The following SPATA21 variants were observed in gnomAD, a reference collection of about 807,000 sequenced individuals.
The protein encoded by SPATA21 is spermatogenesis associated 21, also known as spermatogenesis-associated protein 21.
Under a neutral mutation model 54.8 loss-of-function variants are expected in SPATA21, and 47 were observed. The ratio of observed to expected loss-of-function variants is 0.86; its 90% confidence interval spans 0.68 to 1.09. SPATA21 has a LOEUF of 1.09. Ranked by LOEUF, SPATA21 falls within the 50% of genes least tolerant of loss-of-function variation. SPATA21 has a pLI of 0.00. For synonymous variants in SPATA21, 245 were observed against 235.3 expected (o/e 1.04, Z -0.38); for missense variants, 599 against 596.4 (o/e 1.00, Z -0.05).
intron 10 of SPATA21, among the ~76,000 whole-genome samples, chr1:16,403,483 C>CTTTTTCTTTT (rs2085517813): frequency 8.5e-5 from 10 of 117,114 alleles, no homozygotes; most frequent in African/African-American, 2.9e-4. Flanking sequence ...TAGTTTTTTT[C>CTTTTTCTTTT]TTTTTTTTCT....
At chr1:16,415,963 C>T (rs2085994655) in intron 5 of SPATA21, among the ~76,000 whole-genome samples, 1 of 152,182 alleles carries the variant, frequency 6.6e-6, no homozygotes, top group Non-Finnish European at 1.5e-5. Flanking sequence ...TTCCCTCCAG[C>T]TTCTCCAACC....
At chr1:16,401,279 T>C (rs139210365) in intron 10 of SPATA21, among the ~76,000 whole-genome samples, 2 of 152,304 alleles carry the variant, frequency 1.3e-5, no homozygotes, top group Non-Finnish European at 1.5e-5. Flanking sequence ...GCTTTGTACA[T>C]GTTACCTATT....
At position 16,421,744 on chromosome 1, in the gene SPATA21, G is replaced by A. The variant is rs868674898; in HGVS notation, c.95+167C>T. Among the ~76,000 whole-genome samples, 1 of 152,056 alleles carries A rather than the reference G, an allele frequency of 6.6e-6. No individual in the cohort carries two copies. Among genetic ancestry groups the A allele is most frequent in the Non-Finnish European group, 1.5e-5 (1 of 68,000 alleles). ...CAGGCTCACGGAACCAAGAATTCTG[G>A]TATTCCAGCCATTACACAGATGGGG... is the stretch of plus-strand genomic sequence containing the variant. On this transcript the variant is annotated intron_variant, in intron 4 of 12. Transcript: ENST00000335496. This position sits in a 1 kb window ranked among gnomAD's most constrained non-coding sequence, Gnocchi z 5.2.
At chr1:16,432,595 C>T (rs1557676111) in intron 2 of SPATA21, among the ~76,000 whole-genome samples, 195 bp downstream of exon 2, 1 of 152,122 alleles carries the variant, frequency 6.6e-6, no homozygotes, top group Non-Finnish European at 1.5e-5. Context: ...TCCGATAGCC[C>T]CCAACCCATC....
At chr1:16,419,719 C>T (rs901082167) in intron 5 of SPATA21, among the ~76,000 whole-genome samples, 1 of 152,106 alleles carries the variant, frequency 6.6e-6, no homozygotes, top group African/African-American at 2.4e-5. Context: ...GCGGGCGGAT[C>T]ACCGGAGGTA....
chr1:16,413,479 G>T (rs1243147782), intron 5 of SPATA21, among the ~76,000 whole-genome samples: 3 of 152,200 alleles, frequency 2.0e-5, no homozygotes, highest in African/African-American at 7.2e-5. Context: ...CTATGAACAT[G>T]GGTGTACAAA....
At chr1:16,417,702 T>C (rs556676373) in intron 5 of SPATA21, among the ~76,000 whole-genome samples, 18 of 152,256 alleles carry the variant, frequency 1.2e-4, no homozygotes, top group Middle Eastern at 3.4e-3. Flanking sequence ...CCCAAAGTGC[T>C]GGGATTACAG....
intron 2 of SPATA21, among the ~76,000 whole-genome samples, 162 bp from the exon 3 acceptor site, chr1:16,431,584 T>C (rs1485309185): frequency 1.3e-5 from 2 of 152,160 alleles, no homozygotes; most frequent in African/African-American, 4.8e-5. Flanking sequence ...GCTAGCCACA[T>C]GCCATTTACC....
Position 16,431,380 on chromosome 1 carries a change from C to G in SPATA21, c.-9G>C. On this transcript the variant is annotated 5_prime_UTR_variant, in exon 3 of 13. Transcript: ENST00000335496. ...GTGTTTCTATTGTCCATGATGCCAGCGCCAACACGGGTGCCAAGTGAGGGG... is the reference window on the plus strand; with the variant it reads ...GTGTTTCTATTGTCCATGATGCCAGGGCCAACACGGGTGCCAAGTGAGGGG... 1 of 1,613,962 alleles carries G rather than the reference C, an allele frequency of 6.2e-7. No homozygotes were observed. Among genetic ancestry groups the G allele is most frequent in the South Asian group, 1.1e-5 (1 of 91,048 alleles).
chr1:16,414,965 C>G (rs1022338157), intron 5 of SPATA21, among the ~76,000 whole-genome samples: 1 of 150,662 alleles, frequency 6.6e-6, no homozygotes, highest in African/African-American at 2.4e-5. Flanking sequence ...TTTCCCATGT[C>G]GAAGACTCCT....
intron 3 of SPATA21, among the ~76,000 whole-genome samples, chr1:16,429,113 A>G (rs1181505952): frequency 6.6e-6 from 1 of 151,938 alleles, no homozygotes; most frequent in Non-Finnish European, 1.5e-5. Flanking sequence ...AACAGAGGCT[A>G]CAGGGAACAT....
chr1:16,421,674 T>G lies in SPATA21; in HGVS notation c.96-117A>C, dbSNP rs1337808793. 4.1e-6 allele frequency: 5 copies of G among 1,215,008 alleles called. No homozygotes were observed. The South Asian group carries it at 5.6e-5, about 14-fold the overall frequency. 75.3% of individuals were successfully genotyped at this position (1,215,008 alleles called of 1,614,324 possible). On this transcript the variant is annotated intron_variant, in intron 4 of 12. Coordinates refer to ENST00000335496, the MANE Select transcript of SPATA21 (RefSeq NM_198546.1). This position sits in a 1 kb window ranked among gnomAD's most constrained non-coding sequence, Gnocchi z 5.2. ...CCACCCCAGCCTCATCCCCTTGGCC[T>G]TCTCATCTCAGGGGGCTCCTTATGT...
At chr1:16,418,634 C>T (rs550726881) in intron 5 of SPATA21, among the ~76,000 whole-genome samples, 6 of 151,426 alleles carry the variant, frequency 4.0e-5, no homozygotes, top group African/African-American at 1.5e-4. Flanking sequence ...GTGCCGCTAT[C>T]TTGGCTCACT....
At chr1:16,402,704 C>T (rs969063764) in intron 10 of SPATA21, among the ~76,000 whole-genome samples, 6 of 152,142 alleles carry the variant, frequency 3.9e-5, no homozygotes, top group African/African-American at 1.4e-4. Context: ...TACAGGCACA[C>T]ACCATCTTGC....
rs189927879 is a variant in SPATA21, at chr1:16,432,030, G to A, written c.-51-608C>T. On this transcript the variant is annotated intron_variant, in intron 2 of 12. Transcript: ENST00000335496. ...GTCTCAGGGCCCCAAAGTCTCCAGCGGCAATCTGCAGTTCACCAAAGCACC... is the reference window on the plus strand; with the variant it reads ...GTCTCAGGGCCCCAAAGTCTCCAGCAGCAATCTGCAGTTCACCAAAGCACC... Among the ~76,000 whole-genome samples, 337 of 152,078 alleles carry A rather than the reference G, an allele frequency of 2.2e-3. 3 individuals carry two copies. The highest frequency in any genetic ancestry group is 7.3e-3 in the African/African-American group (303 of 41,484).
chr1:16,407,090 A>G (rs544243267), intron 7 of SPATA21, among the ~76,000 whole-genome samples: 2 of 152,218 alleles, frequency 1.3e-5, no homozygotes, highest in South Asian at 4.1e-4. Context: ...TATTCTATGA[A>G]CTCAGTGCTG....
chr1:16,426,254 C>T (rs867852841), intron 3 of SPATA21, among the ~76,000 whole-genome samples: 84 of 151,614 alleles, frequency 5.5e-4, no homozygotes, highest in African/African-American at 1.9e-3. Context: ...CGTATGCATA[C>T]TTATTTATTT....
intron 3 of SPATA21, among the ~76,000 whole-genome samples, chr1:16,423,314 G>A (rs1215225620): frequency 6.7e-6 from 1 of 148,546 alleles, no homozygotes; most frequent in Admixed American, 6.8e-5. Context: ...TCAGGAGGCT[G>A]AGGTGGGAGG....
At chr1:16,420,858 AG>A (rs2100858475) in intron 5 of SPATA21, among the ~76,000 whole-genome samples, 2 of 152,170 alleles carry the variant, frequency 1.3e-5, no homozygotes, top group South Asian at 4.2e-4. Flanking sequence ...GCCAAGGAAA[AG>A]TGAGACTTGC....
Sources: gnomAD v4.1 joint callset for allele counts (sites outside exome capture counted in the v4.1 genomes callset) on GRCh38, gnomAD v4.1.1 for gene constraint, Gnocchi (gnomAD v3.1) non-coding constraint, MANE v1.5 for transcripts, NCBI Gene and HGNC (gene_info 2026-07-23, HGNC 2026-07-21) for gene names.